Variants in FMNL2 observed in about 807,000 individuals in gnomAD.
FMNL2 encodes formin-like protein 2.
Under a neutral mutation model 130.2 loss-of-function variants are expected in FMNL2, and 51 were observed. The ratio of observed to expected loss-of-function variants is 0.39; its 90% CI spans 0.31 to 0.49. The LOEUF is 0.49. Among genes scored for constraint, FMNL2 ranks in the 20% least tolerant of loss-of-function variants. The pLI, the probability that FMNL2 is intolerant of heterozygous loss-of-function variation, is 0.85. For missense variants in FMNL2, 977 were observed against 1,316.2 expected, an observed-to-expected ratio of 0.74 and a Z score of 3.99; for synonymous variants, 465 against 467.1, an observed-to-expected ratio of 1.00 and a Z score of 0.06.
intron 1 of FMNL2, among the ~76,000 whole-genome samples, chr2:152,501,652 C>G (rs1197021124): frequency 6.6e-6 from 1 of 152,016 alleles, no homozygotes; most frequent in African/African-American, 2.4e-5. Context: ...TGATTGTGTT[C>G]CTGGCTTTAA....
At chr2:152,646,589 T>TG (rs151242231) in intron 25 of FMNL2, among the ~76,000 whole-genome samples, 49 of 87,726 alleles carry the variant, frequency 5.6e-4, no homozygotes, top group East Asian at 1.5e-3. Flanking sequence ...GTGCGGGGGG[T>TG]GGGGGGGCAC....
At chr2:152,559,832 T>C (rs1434548782) in intron 5 of FMNL2, among the ~76,000 whole-genome samples, 1 of 152,190 alleles carries the variant, frequency 6.6e-6, no homozygotes, top group African/African-American at 2.4e-5. Flanking sequence ...TTCTAACTCT[T>C]TTATGTTCAG....
At chr2:152,394,911 A>G (rs1391535952) in intron 1 of FMNL2, among the ~76,000 whole-genome samples, 2 of 152,180 alleles carry the variant, frequency 1.3e-5, no homozygotes, top group Non-Finnish European at 2.9e-5. Context: ...TTACAAAACC[A>G]AATTTGCAGG....
At chr2:152,431,743 A>G (rs1162566554) in intron 1 of FMNL2, among the ~76,000 whole-genome samples, 1 of 152,140 alleles carries the variant, frequency 6.6e-6, no homozygotes, top group Non-Finnish European at 1.5e-5. Context: ...AGGCAGGAAG[A>G]TTGCTTGAGT....
chr2:152,606,225 T>G (rs1698350115), intron 9 of FMNL2, among the ~76,000 whole-genome samples: 1 of 152,210 alleles, frequency 6.6e-6, no homozygotes, highest in African/African-American at 2.4e-5. Flanking sequence ...AATTTGGAGT[T>G]TAGCATGTGA....
chr2:152,505,373 A>G (rs1692108665), intron 1 of FMNL2, among the ~76,000 whole-genome samples: 1 of 152,238 alleles, frequency 6.6e-6, no homozygotes, highest in Admixed American at 6.5e-5. Flanking sequence ...AAAAAAATGG[A>G]TAGAATTAGA....
At chr2:152,578,114 G>A (rs1696576559) in intron 7 of FMNL2, among the ~76,000 whole-genome samples, 1 of 152,136 alleles carries the variant, frequency 6.6e-6, no homozygotes, top group African/African-American at 2.4e-5. Flanking sequence ...GCACAGAAGA[G>A]TTCCTCTTTA....
chr2:152,633,988 T>G (rs965912573), intron 21 of FMNL2, among the ~76,000 whole-genome samples: 2 of 152,204 alleles, frequency 1.3e-5, no homozygotes, highest in Admixed American at 6.5e-5. Flanking sequence ...GTGCCCTCCA[T>G]GTACTTGGCA....
intron 15 of FMNL2, among the ~76,000 whole-genome samples, chr2:152,622,710 C>G (rs1043646272): frequency 1.3e-5 from 2 of 151,826 alleles, no homozygotes; most frequent in African/African-American, 4.8e-5. Flanking sequence ...ATGATGATTC[C>G]AGGTTTGCCC....
intron 1 of FMNL2, among the ~76,000 whole-genome samples, chr2:152,382,801 G>A (rs1422435231): frequency 6.6e-6 from 1 of 151,988 alleles, no homozygotes; most frequent in Non-Finnish European, 1.5e-5. Flanking sequence ...AATAAAGCTG[G>A]GGAAAAAATA....
At chr2:152,563,247 C>T (rs1041013033) in intron 6 of FMNL2, among the ~76,000 whole-genome samples, 4 of 152,150 alleles carry the variant, frequency 2.6e-5, no homozygotes, top group Admixed American at 6.5e-5. Flanking sequence ...TTCTGGTTGG[C>T]AGGTGTGCTT....
intron 2 of FMNL2, among the ~76,000 whole-genome samples, chr2:152,528,074 G>A (rs1693486419): frequency 1.3e-5 from 2 of 152,004 alleles, no homozygotes; most frequent in Admixed American, 1.3e-4. Context: ...TAATCTCTTT[G>A]ATTTTATAGT....
intron 1 of FMNL2, among the ~76,000 whole-genome samples, chr2:152,376,846 A>G (rs192385805): frequency 7.9e-4 from 121 of 152,236 alleles, no homozygotes; most frequent in African/African-American, 2.9e-3. Flanking sequence ...TGGTTAGGAC[A>G]CCAGTTAGTT....
intron 1 of FMNL2, among the ~76,000 whole-genome samples, chr2:152,347,887 C>G (rs1040769926): frequency 1.3e-5 from 2 of 152,192 alleles, no homozygotes; most frequent in Non-Finnish European, 2.9e-5. Context: ...TTGGCCAGAC[C>G]CATCTCCTCT....
chr2:152,583,213 T>C (rs1323294206), intron 9 of FMNL2, among the ~76,000 whole-genome samples: 2 of 152,202 alleles, frequency 1.3e-5, no homozygotes, highest in African/African-American at 2.4e-5. Context: ...CTGGCCTCAT[T>C]TCTGTAATTA....
intron 1 of FMNL2, among the ~76,000 whole-genome samples, chr2:152,465,635 AC>A (rs907256101): frequency 2.6e-5 from 4 of 152,052 alleles, no homozygotes; most frequent in Non-Finnish European, 5.9e-5. Context: ...ATATATCCCC[AC>A]CCCCCATCTG....
chr2:152,487,098 A>G (rs545471933), intron 1 of FMNL2, among the ~76,000 whole-genome samples: 2 of 152,336 alleles, frequency 1.3e-5, no homozygotes, highest in East Asian at 3.9e-4. Context: ...GTTTTGTAAT[A>G]TCAGTAATGA....
At chr2:152,531,067 C>G (rs2577187) in intron 2 of FMNL2, among the ~76,000 whole-genome samples, 2 of 152,134 alleles carry the variant, frequency 1.3e-5, no homozygotes, top group Non-Finnish European at 2.9e-5. Flanking sequence ...TAGAAATATC[C>G]TTATACAGAT....
intron 1 of FMNL2, among the ~76,000 whole-genome samples, chr2:152,423,152 C>T (rs1687006852): frequency 6.6e-6 from 1 of 152,060 alleles, no homozygotes; most frequent in South Asian, 2.1e-4. Flanking sequence ...GGGATATCTT[C>T]CCTGAAGCAT....
Sources: gnomAD v4.1 joint callset for allele counts (sites outside exome capture counted in the v4.1 genomes callset) on GRCh38, gnomAD v4.1.1 for gene constraint, MANE v1.5 for transcripts, NCBI Gene and HGNC (gene_info 2026-07-23, HGNC 2026-07-21) for gene names.